The following SIGLEC9 variants were observed in gnomAD, a reference collection of about 807,000 sequenced individuals.
SIGLEC9 encodes the protein sialic acid binding Ig like lectin 9.
Under a neutral mutation model 38.3 loss-of-function variants are expected in SIGLEC9, and 26 were observed. The ratio of observed to expected loss-of-function variants is 0.68; its 90% CI spans 0.50 to 0.94. The LOEUF (loss-of-function observed/expected upper bound fraction) is 0.94, where lower values mean the gene tolerates loss of function less well. Among genes scored for constraint, SIGLEC9 ranks in the 40% least tolerant of loss-of-function variants. The pLI is 0.00. For synonymous variants in SIGLEC9, 236 were observed against 248.0 expected, an observed-to-expected ratio of 0.95 and a Z score of 0.45; for missense variants, 556 against 585.7, an observed-to-expected ratio of 0.95 and a Z score of 0.52.
At chr19:51,124,712 G>A (rs777712626), upstream of SIGLEC9, among the ~76,000 whole-genome samples, 2 of 152,128 alleles carry the variant, frequency 1.3e-5, no homozygotes, top group Non-Finnish European at 2.9e-5. Context: ...CCCTGCATGG[G>A]GTGGGAATCT....
In SIGLEC9 at chr19:51,125,748, C is replaced by T. The variant is rs758215722; in HGVS notation, c.573C>T (p.Ser191=). The T allele has an allele frequency of 1.9e-6, 3 of 1,614,104 alleles. No homozygotes were observed. The highest frequency in any genetic ancestry group is 2.5e-6 in the Non-Finnish European group (3 of 1,179,986). ...IGTSVSPLDP[S]TTRSSVLTLI... is the part of the protein sequence containing the mutation. Reference sequence around the variant, plus strand: ...CCTCCGTGTCCCCCCTGGACCCCTCCACCACCCGCTCCTCGGTGCTCACCC... The same window carrying T: ...CCTCCGTGTCCCCCCTGGACCCCTCTACCACCCGCTCCTCGGTGCTCACCC... Residue 191 remains serine, a synonymous_variant, in exon 2 of 7, where the codon TCC becomes TCT. Coordinates refer to ENST00000250360, the MANE Select transcript of SIGLEC9 (RefSeq NM_014441.3).
Position 51,130,003 on chromosome 19 carries a change from A to C in SIGLEC9, c.1316A>C (p.Gln439Pro). 1 of 1,614,080 alleles carries C rather than the reference A, an allele frequency of 6.2e-7. No individual in the cohort carries two copies. Among genetic ancestry groups the C allele is most frequent in the Non-Finnish European group, 8.5e-7 (1 of 1,179,970 alleles). ...GELQYASLSF[Q>P]MVKPWDSRGQ... ...CTCCAGTATGCATCCCTCAGCTTCC[A>C]GATGGTGAAGCCTTGGGACTCGCGG... The change falls in exon 7 of 7, where the codon CAG (glutamine) becomes CCG (proline). Residue 439 changes from glutamine (Q) to proline (P), a missense_variant. Coordinates refer to ENST00000250360, the MANE Select transcript of SIGLEC9 (RefSeq NM_014441.3).
At chr19:51,129,459 A>T (rs1191004823) in intron 6 of SIGLEC9, among the ~76,000 whole-genome samples, 1 of 151,704 alleles carries the variant, frequency 6.6e-6, no homozygotes, top group Non-Finnish European at 1.5e-5. Context: ...GTGACCGGCC[A>T]CATTCTGACC....
chr19:51,129,808 T>A, intron 6 of SIGLEC9, 83 bp from the exon 7 acceptor site: 1 of 1,021,884 alleles, frequency 9.8e-7, no homozygotes, highest in Non-Finnish European at 1.4e-6. Context: ...CTCAGCCTCC[T>A]GAAGAGCTGG....
chr19:51,126,125 A>T lies in SIGLEC9; in HGVS notation c.745A>T (p.Thr249Ser). The T allele has an allele frequency of 1.2e-6, 2 of 1,613,876 alleles. No individual in the cohort carries two copies. Among genetic ancestry groups the T allele is most frequent in the Non-Finnish European group, 1.7e-6 (2 of 1,179,836 alleles). Residue 249 changes from threonine (T) to serine (S), a missense_variant, in exon 3 of 7, where the codon ACA becomes TCA. By Grantham distance (58) the Thr-to-Ser change is moderately conservative. Coordinates refer to ENST00000250360, the MANE Select transcript of SIGLEC9 (RefSeq NM_014441.3). Reference sequence around the variant, plus strand: ...CATGACTGTCTTCCAAGGAGACGGCACAGGTAGGATGGAGCTCCCTCCCTG... The same window carrying T: ...CATGACTGTCTTCCAAGGAGACGGCTCAGGTAGGATGGAGCTCCCTCCCTG... The part of the protein sequence containing the change: ...LTMTVFQGDG[T>S]VSTVLGNGSS...
chr19:51,135,140 T>A (rs2092035828), downstream of SIGLEC9, among the ~76,000 whole-genome samples: 1 of 152,196 alleles, frequency 6.6e-6, no homozygotes, highest in African/African-American at 2.4e-5. Context: ...TAGACGTGAT[T>A]GTATAGTTGC....
rs2092008532 is a variant in SIGLEC9 at position 51,130,279 on chromosome 19, A to AT, written c.*207dup. The AT allele has an allele frequency of 4.6e-6, 5 of 1,081,882 alleles. No homozygotes were observed. The East Asian group carries it at 1.3e-4, about 28-fold the overall frequency. 67.0% of individuals were successfully genotyped at this position (1,081,882 alleles called of 1,614,324 possible). On this transcript the variant is annotated 3_prime_UTR_variant, in exon 7 of 7. Transcript: ENST00000250360. ...GAATCCACACTGTGCCCTCCCTTTT[A>AT]TTTTTTTAACTAAAAGACAGACAAA...
At chr19:51,133,299 G>A (rs550449119), downstream of SIGLEC9, among the ~76,000 whole-genome samples, 36 of 152,070 alleles carry the variant, frequency 2.4e-4, no homozygotes, top group African/African-American at 3.1e-4. Flanking sequence ...GTGGTCGGGC[G>A]CGGTGGCTCA....
chr19:51,130,290 T>A lies in SIGLEC9; in HGVS notation c.*211T>A. ...GTGCCCTCCCTTTTATTTTTTTAAC[T>A]AAAAGACAGACAAATTCCTACCTCT... On this transcript the variant is annotated 3_prime_UTR_variant, in exon 7 of 7. Coordinates refer to ENST00000250360, the MANE Select transcript of SIGLEC9 (RefSeq NM_014441.3). 2.0e-6 allele frequency: 2 copies of A among 989,496 alleles called. No homozygotes were observed. The highest frequency in any genetic ancestry group is 2.7e-6 in the Non-Finnish European group (2 of 750,244). 61.3% of individuals were successfully genotyped at this position (989,496 alleles called of 1,614,324 possible).
downstream of SIGLEC9, among the ~76,000 whole-genome samples, chr19:51,132,457 C>A (rs2092021411): frequency 6.6e-6 from 1 of 152,152 alleles, no homozygotes; most frequent in Non-Finnish European, 1.5e-5. Context: ...GGGCAAGGAA[C>A]GGAATGTGTG....
At chr19:51,129,294 G>A (rs1365427163) in intron 6 of SIGLEC9, among the ~76,000 whole-genome samples, 1 of 151,808 alleles carries the variant, frequency 6.6e-6, no homozygotes, top group Non-Finnish European at 1.5e-5. Flanking sequence ...GAGTAGCTGG[G>A]ACTACAGGCG....
At chr19:51,121,843 C>T (rs1210366218), upstream of SIGLEC9, among the ~76,000 whole-genome samples, 1 of 152,122 alleles carries the variant, frequency 6.6e-6, no homozygotes, top group Non-Finnish European at 1.5e-5. Flanking sequence ...CCGCCTTGGC[C>T]TCCCAAAGTG....
chr19:51,134,882 T>A (rs1268259697), downstream of SIGLEC9, among the ~76,000 whole-genome samples: 1 of 152,212 alleles, frequency 6.6e-6, no homozygotes, highest in African/African-American at 2.4e-5. Context: ...ATTGCATCTT[T>A]ACTTTCCTGG....
At position 51,125,375 on chromosome 19, in the gene SIGLEC9, G is replaced by A. The variant is rs752452796; in HGVS notation, c.401G>A (p.Arg134Gln). ...ATAAAATGGAATTATAAACATCACC[G>A]GCTCTCTGTGAATGTGACAGGTAAG... Reference protein sequence around the residue: ...GSIKWNYKHHRLSVNVTALTH... With the variant: ...GSIKWNYKHHQLSVNVTALTH... The change falls in exon 1 of 7, where the codon CGG becomes CAG. Residue 134 changes from arginine to glutamine, a missense_variant. Transcript: ENST00000250360. The A allele has an allele frequency of 1.3e-5, 20 of 1,587,346 alleles. No homozygotes were observed. The highest frequency in any genetic ancestry group is 2.2e-5 in the East Asian group (1 of 44,752).
At chr19:51,134,883 A>G (rs370830674), downstream of SIGLEC9, among the ~76,000 whole-genome samples, 18 of 152,194 alleles carry the variant, frequency 1.2e-4, 3 homozygotes, top group Admixed American at 2.0e-4. Flanking sequence ...TTGCATCTTT[A>G]CTTTCCTGGA....
chr19:51,121,621 T>G (rs916042534), upstream of SIGLEC9, among the ~76,000 whole-genome samples: 1 of 144,664 alleles, frequency 6.9e-6, no homozygotes, highest in Non-Finnish European at 1.5e-5. Context: ...AGTTTCGCTC[T>G]TGTCGTCCAG....
At chr19:51,129,788 A>C in intron 6 of SIGLEC9, 103 bp from the exon 7 acceptor site, 1 of 788,784 alleles carries the variant, frequency 1.3e-6, no homozygotes, top group Non-Finnish European at 2.0e-6. Flanking sequence ...ACCTCAGGTG[A>C]TCCGCCTACC....
intron 4 of SIGLEC9, among the ~76,000 whole-genome samples, chr19:51,127,741 G>GA (rs5828458): frequency 0.09 from 13,728 of 151,818 alleles, 2,037 homozygotes; most frequent in African/African-American, 0.31. Context: ...TTAAAATTGT[G>GA]AAAAAAAACC....
At position 51,125,303 on chromosome 19, in the gene SIGLEC9, G is replaced by A; in HGVS notation, c.329G>A (p.Arg110Lys). Reference sequence around the variant, plus strand: ...TGCACCCTGAGCATCAGAGATGCCAGAAGAAGTGATGCGGGGAGATACTTC... The same window carrying A: ...TGCACCCTGAGCATCAGAGATGCCAAAAGAAGTGATGCGGGGAGATACTTC... The part of the protein sequence containing the change: ...KNCTLSIRDA[R>K]RSDAGRYFFR... The change falls in exon 1 of 7, where the codon AGA becomes AAA. Residue 110 changes from arginine to lysine, a missense_variant. Arg to Lys is a conservative substitution (Grantham distance 26, BLOSUM62 2). Coordinates refer to ENST00000250360, the MANE Select transcript of SIGLEC9 (RefSeq NM_014441.3). 6.2e-7 allele frequency: 1 copy of A among 1,613,382 alleles called. No individual in the cohort carries two copies. The highest frequency in any genetic ancestry group is 1.7e-5 in the Admixed American group (1 of 59,986).
Sources: allele counts gnomAD v4.1 joint callset (sites outside exome capture counted in the v4.1 genomes callset), GRCh38; gene constraint gnomAD v4.1.1; transcripts MANE v1.5; gene names NCBI Gene and HGNC (gene_info 2026-07-23, HGNC 2026-07-21).